The following CYB5R4 variants were observed in gnomAD, a reference collection of about 807,000 sequenced individuals.
CYB5R4 encodes N-terminal cytochrome b5 and cytochrome b5 oxidoreductase domain-containing protein.
Under a neutral mutation model 70.2 loss-of-function variants are expected in CYB5R4, and 55 were observed. That is an observed-to-expected ratio of 0.78 (90% CI 0.63 to 0.98). The LOEUF is 0.98. Among genes scored for constraint, CYB5R4 ranks in the 50% least tolerant of loss-of-function variants. The pLI is 0.00. For missense variants in CYB5R4, 562 were observed against 612.6 expected (o/e 0.92, Z 0.87); for synonymous variants, 197 against 199.5 (o/e 0.99, Z 0.11).
At chr6:83,926,460 C>T (rs2099467294) in intron 10 of CYB5R4, 1 of 152,010 alleles carries the variant, frequency 6.6e-6, no homozygotes, top group Non-Finnish European at 1.5e-5. Context: ...TCTGAGACTT[C>T]TTCCCTTAGC....
chr6:83,947,977 T>C (rs919050936), intron 14 of CYB5R4, among the ~76,000 whole-genome samples: 38 of 151,998 alleles, frequency 2.5e-4, no homozygotes, highest in Non-Finnish European at 4.6e-4. Context: ...TCTTAAGGAT[T>C]TAGAACCAGA....
At position 83,940,087 on chromosome 6, in the gene CYB5R4, C is replaced by T; in HGVS notation, c.1140C>T (p.Gly380=). 1.2e-6 allele frequency: 2 copies of T among 1,609,428 alleles called. No homozygotes were observed. The highest frequency in any genetic ancestry group is 1.7e-6 in the Non-Finnish European group (2 of 1,177,524). Reference sequence around the variant, plus strand: ...TTGTTTCTGTAAGCAGTCCTGAGGGCAATTTTAAAATATCCAAGTTCCAAG... The same window carrying T: ...TTGTTTCTGTAAGCAGTCCTGAGGGTAATTTTAAAATATCCAAGTTCCAAG... ...GDFVSVSSPE[G]NFKISKFQEL... The change falls in exon 13 of 16, where the codon GGC becomes GGT. Residue 380 remains glycine, a synonymous_variant. Coordinates refer to ENST00000369681, the MANE Select transcript of CYB5R4 (RefSeq NM_016230.4).
intron 9 of CYB5R4, among the ~76,000 whole-genome samples, chr6:83,923,901 T>C (rs1431618866): frequency 6.7e-6 from 1 of 149,072 alleles, no homozygotes; most frequent in Non-Finnish European, 1.5e-5. Context: ...CCATCTCTAC[T>C]AAAAATAAAA....
intron 15 of CYB5R4, among the ~76,000 whole-genome samples, chr6:83,958,845 A>G (rs2099472863): frequency 6.6e-6 from 1 of 152,204 alleles, no homozygotes; most frequent in Admixed American, 6.5e-5. Flanking sequence ...ATGAATAAAT[A>G]ATAATACCTA....
chr6:83,947,888 G>A (rs932946209), intron 14 of CYB5R4, among the ~76,000 whole-genome samples: 8 of 152,194 alleles, frequency 5.3e-5, no homozygotes, highest in Admixed American at 4.6e-4. Context: ...TGGAGAGGGT[G>A]TGGAGAAATA....
intron 10 of CYB5R4, among the ~76,000 whole-genome samples, chr6:83,925,852 C>G (rs960348089): frequency 1.3e-5 from 2 of 152,070 alleles, no homozygotes; most frequent in African/African-American, 2.4e-5. Flanking sequence ...TCCTTTTGTT[C>G]TACTTTCTGC....
At chr6:83,897,027 A>C (rs1393389879) in intron 3 of CYB5R4, among the ~76,000 whole-genome samples, 1 of 151,958 alleles carries the variant, frequency 6.6e-6, no homozygotes, top group Non-Finnish European at 1.5e-5. Flanking sequence ...ATAATTTATC[A>C]TTAGGTATAT....
chr6:83,870,996 G>A (rs1420125205), intron 2 of CYB5R4, among the ~76,000 whole-genome samples: 4 of 99,658 alleles, frequency 4.0e-5, no homozygotes, highest in East Asian at 2.9e-4. Flanking sequence ...TTTTTTTTGC[G>A]ATGGAGTTTC....
intron 14 of CYB5R4, among the ~76,000 whole-genome samples, chr6:83,953,827 A>G (rs1378890432): frequency 1.3e-5 from 2 of 152,288 alleles, no homozygotes; most frequent in South Asian, 2.1e-4. Context: ...AGACTAAATG[A>G]ATACATTTGT....
In CYB5R4 at chr6:83,921,164, T is replaced by G. The variant is rs111313562; in HGVS notation, c.647T>G (p.Leu216Arg). ...AETIIKDCLY[L>R]IHIGLSHEVQ... ...ACAATTATTAAGGATTGTTTATATC[T>G]TATACATATTGGTGAGTACTTTATT... The change falls in exon 8 of 16, where the codon CTT (leucine) becomes CGT (arginine). Residue 216 changes from leucine to arginine, a missense_variant. Physicochemically the swap from Leu to Arg is moderately radical, Grantham distance 102 (BLOSUM62 -2). Transcript: ENST00000369681. The G allele has an allele frequency of 1.3e-5, 19 of 1,502,390 alleles. No individual in the cohort carries two copies. The African/African-American group carries it at 2.3e-4, about 18-fold the overall frequency. The allele number at this position is 1,502,390 out of a possible 1,614,324, so 93.1% of individuals were successfully genotyped here. A position where few individuals can be genotyped will look rare whatever the true frequency, so the allele number is the denominator to read the frequency against.
rs369745654 is a variant in CYB5R4 at position 83,875,692 on chromosome 6, A to G, written c.229+11364A>G. On this transcript the variant is annotated intron_variant, in intron 2 of 15. Coordinates refer to ENST00000369681, the MANE Select transcript of CYB5R4 (RefSeq NM_016230.4). ...GGAGGAACGCATCCACCCTAGGTAC[A>G]ATGCTTGTATACATGTGGAGATGTG... Among the ~76,000 whole-genome samples the G allele has an allele frequency of 3.2e-4, 48 of 152,328 alleles. No individual in the cohort carries two copies. The East Asian group carries it at 6.4e-3, about 20-fold the overall frequency.
chr6:83,915,675 T>C (rs2099465386), intron 5 of CYB5R4, among the ~76,000 whole-genome samples: 1 of 152,230 alleles, frequency 6.6e-6, no homozygotes, highest in African/African-American at 2.4e-5. Context: ...TGGTTAGCAC[T>C]GTTACCTCTT....
chr6:83,873,760 A>ATG (rs1175187717), intron 2 of CYB5R4, among the ~76,000 whole-genome samples: 2 of 152,130 alleles, frequency 1.3e-5, no homozygotes, highest in Non-Finnish European at 2.9e-5. Flanking sequence ...CTCTCATAGA[A>ATG]TTGACAATCT....
chr6:83,877,309 G>A (rs1429000424), intron 2 of CYB5R4, among the ~76,000 whole-genome samples: 2 of 152,104 alleles, frequency 1.3e-5, no homozygotes, highest in Non-Finnish European at 2.9e-5. Context: ...AGTTTGCATA[G>A]ATGAGAACTC....
chr6:83,916,478 G>T (rs1188038256), intron 5 of CYB5R4, among the ~76,000 whole-genome samples: 1 of 152,028 alleles, frequency 6.6e-6, no homozygotes, highest in Non-Finnish European at 1.5e-5. Flanking sequence ...ATTTTGTCTT[G>T]CTTTTACCAT....
At chr6:83,869,750 G>T (rs2099457279) in intron 2 of CYB5R4, among the ~76,000 whole-genome samples, 1 of 150,288 alleles carries the variant, frequency 6.7e-6, no homozygotes, top group Non-Finnish European at 1.5e-5. Context: ...TTGAACCCGG[G>T]AGTCAGAGGT....
At chr6:83,922,150 C>T (rs1421446734) in intron 8 of CYB5R4, among the ~76,000 whole-genome samples, 1 of 152,172 alleles carries the variant, frequency 6.6e-6, no homozygotes, top group Non-Finnish European at 1.5e-5. Flanking sequence ...TTGTAGGATT[C>T]CCAGTCTGGA....
intron 2 of CYB5R4, among the ~76,000 whole-genome samples, chr6:83,875,509 T>C (rs2099458389): frequency 6.6e-6 from 1 of 152,116 alleles, no homozygotes; most frequent in Non-Finnish European, 1.5e-5. Context: ...CAGGAAAGTG[T>C]TCCCGATCCA....
At chr6:83,905,813 C>A (rs1301619952) in intron 3 of CYB5R4, among the ~76,000 whole-genome samples, 1 of 151,980 alleles carries the variant, frequency 6.6e-6, no homozygotes, top group Non-Finnish European at 1.5e-5. Context: ...ACCTCTGGGT[C>A]CCAGGTGGTA....
Sources: allele counts gnomAD v4.1 joint callset (sites outside exome capture counted in the v4.1 genomes callset), GRCh38; gene constraint gnomAD v4.1.1; transcripts MANE v1.5; gene names NCBI Gene and HGNC (gene_info 2026-07-23, HGNC 2026-07-21).